The following SSBP3 variants were observed in gnomAD, a reference collection of about 807,000 sequenced individuals.
SSBP3 encodes the protein single stranded DNA binding protein 3.
A neutral mutation model predicts 69.6 loss-of-function variants in SSBP3; 5 were observed. The observed-to-expected ratio is 0.07, with a 90% confidence interval of 0.04 to 0.15. SSBP3 has a LOEUF of 0.15. SSBP3 is among the 10% of genes least tolerant of loss of function. The probability of loss-of-function intolerance (pLI) is 1.00; values close to 1 mark genes in which losing one functional copy is unlikely to be tolerated. For missense variants in SSBP3, 312 were observed against 534.0 expected, an observed-to-expected ratio of 0.58 and a Z score of 4.10; for synonymous variants, 196 against 193.4, an observed-to-expected ratio of 1.01 and a Z score of -0.11.
intron 4 of SSBP3, among the ~76,000 whole-genome samples, chr1:54,352,776 T>C (rs1157793518): frequency 1.3e-5 from 2 of 152,142 alleles, no homozygotes; most frequent in Non-Finnish European, 2.9e-5. Flanking sequence ...AGAACTCCCA[T>C]CTCAATCAAC....
At chr1:54,345,546 C>T (rs1309872687) in intron 4 of SSBP3, among the ~76,000 whole-genome samples, 1 of 152,180 alleles carries the variant, frequency 6.6e-6, no homozygotes, top group Non-Finnish European at 1.5e-5. Context: ...AAAGAAAAGC[C>T]TTCCGCATTT....
In SSBP3 at chr1:54,297,825, A is replaced by C. The variant is rs185861105; in HGVS notation, c.277-16298T>G. On this transcript the variant is annotated intron_variant, in intron 4 of 17. Coordinates refer to ENST00000610401, the Ensembl canonical transcript of SSBP3. Reference sequence around the variant, plus strand: ...GGAATGGATTCACTTCCTGGTTTCCAAGCCTGGTTGCACATCAAAATCATG... The same window carrying C: ...GGAATGGATTCACTTCCTGGTTTCCCAGCCTGGTTGCACATCAAAATCATG... Among the ~76,000 whole-genome samples, 161 of 152,312 alleles carry C rather than the reference A, an allele frequency of 1.1e-3. 1 individual carries two copies. Among genetic ancestry groups the C allele is most frequent in the South Asian group, 8.5e-3 (41 of 4,820 alleles).
chr1:54,340,080 A>C (rs1403728581), intron 4 of SSBP3, among the ~76,000 whole-genome samples: 1 of 152,100 alleles, frequency 6.6e-6, no homozygotes, highest in Non-Finnish European at 1.5e-5. Context: ...CTAGAGGATA[A>C]GCGCCTTCAA....
intron 7 of SSBP3, 99 bp downstream of exon 7, chr1:54,257,028 C>A (rs924380838): frequency 7.9e-7 from 1 of 1,261,372 alleles, no homozygotes; most frequent in South Asian, 1.4e-5. Context: ...TGCCCCTCCA[C>A]CCCTCAATCC....
intron 1 of SSBP3, 85 bp downstream of exon 1, chr1:54,405,868 C>CAT: frequency 8.7e-6 from 1 of 114,492 alleles, no homozygotes; most frequent in Non-Finnish European, 1.9e-5. Context: ...CCTCCGGCCC[C>CAT]CGCCCGCCCG....
intron 4 of SSBP3, among the ~76,000 whole-genome samples, chr1:54,394,790 C>T (rs1381751250): frequency 6.6e-6 from 1 of 150,942 alleles, no homozygotes; most frequent in Non-Finnish European, 1.5e-5. Flanking sequence ...GCAACCTCCG[C>T]CTCCTGGGTT....
intron 4 of SSBP3, among the ~76,000 whole-genome samples, chr1:54,314,818 A>C (rs1646067115): frequency 6.6e-6 from 1 of 152,162 alleles, no homozygotes; most frequent in South Asian, 2.1e-4. Flanking sequence ...GGAGGCTTCC[A>C]GTGTCCCCTC....
chr1:54,312,708 G>C lies in SSBP3; in HGVS notation c.277-31181C>G, dbSNP rs1362018723. 2.5e-4 allele frequency among the ~76,000 whole-genome samples: 38 copies of C among 152,152 alleles called. 1 individual carries two copies. Among genetic ancestry groups the C allele is most frequent in the Non-Finnish European group, 7.4e-5 (5 of 68,022 alleles). On this transcript the variant is annotated intron_variant, in intron 4 of 17. Transcript: ENST00000610401. ...CACCCATTCTGATGTCACAAGTCCT[G>C]AGGCCAGTGTTCAGACAAGACCACC...
At chr1:54,349,453 G>T (rs1646746283) in intron 4 of SSBP3, among the ~76,000 whole-genome samples, 1 of 152,198 alleles carries the variant, frequency 6.6e-6, no homozygotes, top group Non-Finnish European at 1.5e-5. Flanking sequence ...CCATCTTGGG[G>T]ACAGAAGAGC....
chr1:54,362,714 A>G (rs952157929), intron 4 of SSBP3, among the ~76,000 whole-genome samples: 3 of 152,184 alleles, frequency 2.0e-5, no homozygotes, highest in African/African-American at 7.2e-5. Context: ...GACCAGGCAG[A>G]TGGTTTTATT....
At chr1:54,272,143 A>C (rs763488702) in intron 5 of SSBP3, among the ~76,000 whole-genome samples, 29 of 152,206 alleles carry the variant, frequency 1.9e-4, no homozygotes, top group Non-Finnish European at 2.9e-4. Flanking sequence ...ATGGATTCTA[A>C]GGCCCTCTTT....
chr1:54,293,164 A>G (rs1369597727), intron 4 of SSBP3, among the ~76,000 whole-genome samples: 1 of 152,058 alleles, frequency 6.6e-6, no homozygotes, highest in Non-Finnish European at 1.5e-5. Context: ...CTCACTACAG[A>G]TTATTTGTTG....
At chr1:54,339,830 C>T (rs1279329476) in intron 4 of SSBP3, among the ~76,000 whole-genome samples, 1 of 152,108 alleles carries the variant, frequency 6.6e-6, no homozygotes, top group Admixed American at 6.5e-5. Context: ...AGGAGAATTG[C>T]TTGAACCAAA....
At chr1:54,248,567 A>G (rs932721419) in intron 9 of SSBP3, among the ~76,000 whole-genome samples, 23 of 152,174 alleles carry the variant, frequency 1.5e-4, no homozygotes, top group South Asian at 2.1e-4. Flanking sequence ...AGAGACAGAA[A>G]TGGCCTAGGG....
rs114326547 is a variant in SSBP3 at position 54,329,005 on chromosome 1, T to C, written c.277-47478A>G. 4.6e-3 allele frequency among the ~76,000 whole-genome samples: 700 copies of C among 152,312 alleles called. 6 individuals carry two copies. The highest frequency in any genetic ancestry group is 7.4e-3 in the Non-Finnish European group (504 of 68,034). The stretch of plus-strand genomic sequence containing the variant: ...TTGTGGGAAATGAGAAGGATGCCCC[T>C]GAAGGGTACCTAGATCCTGCCTGTT... On this transcript the variant is annotated intron_variant, in intron 4 of 17. Transcript: ENST00000610401.
upstream of SSBP3, among the ~76,000 whole-genome samples, chr1:54,407,534 C>T (rs187126151): frequency 6.6e-6 from 1 of 151,992 alleles, no homozygotes; most frequent in South Asian, 2.1e-4. Context: ...ACTGCGTGCC[C>T]CTCATTAGGG....
chr1:54,323,752 G>A (rs1241139407), intron 4 of SSBP3, among the ~76,000 whole-genome samples: 1 of 152,192 alleles, frequency 6.6e-6, no homozygotes, highest in Non-Finnish European at 1.5e-5. Context: ...AGCAGAGGAA[G>A]GCTCTGCCCC....
At chr1:54,399,926 C>T (rs1168510177) in intron 4 of SSBP3, among the ~76,000 whole-genome samples, 2 of 152,156 alleles carry the variant, frequency 1.3e-5, no homozygotes, top group Non-Finnish European at 1.5e-5. Context: ...CTCTGACTCT[C>T]AGGCCACATG....
intron 4 of SSBP3, among the ~76,000 whole-genome samples, chr1:54,380,595 G>A (rs747267600): frequency 1.5e-4 from 23 of 152,216 alleles, no homozygotes; most frequent in Non-Finnish European, 2.8e-4. Flanking sequence ...GAGAAGCTAC[G>A]GCCCATCGTG....
Sources: gnomAD v4.1 joint callset for allele counts (sites outside exome capture counted in the v4.1 genomes callset) on GRCh38, gnomAD v4.1.1 for gene constraint, MANE v1.5 for transcripts, NCBI Gene and HGNC (gene_info 2026-07-23, HGNC 2026-07-21) for gene names.